The following CSNK1G1 variants were observed in gnomAD, a reference collection of about 807,000 sequenced individuals.
The protein encoded by CSNK1G1 is casein kinase 1 gamma 1.
In CSNK1G1, 22 loss-of-function variants were observed where a neutral mutation model predicts 59.6. The ratio of observed to expected loss-of-function variants is 0.37; its 90% confidence interval spans 0.26 to 0.53. CSNK1G1 has a LOEUF of 0.53. CSNK1G1 is among the 20% of genes least tolerant of loss of function. The probability of loss-of-function intolerance (pLI) is 0.89; values close to 1 mark genes in which losing one functional copy is unlikely to be tolerated. For synonymous variants in CSNK1G1, 179 were observed against 177.1 expected (o/e 1.01, Z -0.08); for missense variants, 384 against 519.5 (o/e 0.74, Z 2.54).
intron 1 of CSNK1G1, among the ~76,000 whole-genome samples, chr15:64,313,602 G>A (rs1199870550): frequency 6.6e-6 from 1 of 152,072 alleles, no homozygotes; most frequent in Non-Finnish European, 1.5e-5. Context: ...GCCTGTTGGG[G>A]GGTGTGGGGC....
At chr15:64,262,015 T>C (rs765483989) in intron 2 of CSNK1G1, among the ~76,000 whole-genome samples, 6 of 151,774 alleles carry the variant, frequency 4.0e-5, no homozygotes, top group Non-Finnish European at 5.9e-5. Flanking sequence ...AGAACATCAA[T>C]GCTATCTTAA....
chr15:64,294,683 G>A (rs1258287814), intron 2 of CSNK1G1, among the ~76,000 whole-genome samples: 4 of 151,800 alleles, frequency 2.6e-5, no homozygotes, highest in African/African-American at 7.3e-5. Flanking sequence ...GGCCAAGGCA[G>A]GCAGATCACC....
At chr15:64,301,848 C>T (rs1445876915) in intron 1 of CSNK1G1, among the ~76,000 whole-genome samples, 1 of 151,854 alleles carries the variant, frequency 6.6e-6, no homozygotes, top group Non-Finnish European at 1.5e-5. Context: ...GCTCGTGCTA[C>T]TGCACTCCCA....
At chr15:64,340,446 G>A (rs565057601) in intron 1 of CSNK1G1, among the ~76,000 whole-genome samples, 1 of 152,020 alleles carries the variant, frequency 6.6e-6, no homozygotes, top group African/African-American at 2.4e-5. Flanking sequence ...TTGTTATGTA[G>A]GTTTATGTAT....
intron 1 of CSNK1G1, among the ~76,000 whole-genome samples, chr15:64,338,721 A>AC (rs1471626191): frequency 6.2e-5 from 9 of 144,114 alleles, no homozygotes; most frequent in South Asian, 2.2e-4. Flanking sequence ...AAAAAAAAAA[A>AC]AAAAAAACAC....
Position 64,229,535 on chromosome 15 carries a change from T to TCC in CSNK1G1, c.293-12823_293-12822insGG, listed in dbSNP as rs1240859768. Among the ~76,000 whole-genome samples the TCC allele has an allele frequency of 4.7e-3, 718 of 152,020 alleles. 6 individuals are homozygous for TCC. The highest frequency in any genetic ancestry group is 0.016 in the African/African-American group (669 of 41,388). On this transcript the variant is annotated intron_variant, in intron 4 of 11. Transcript: ENST00000303052. ...CTCTCTTTCTCTCTCTCTTTCTCTC[T>TCC]CTCTCTCTCTCTCTCTCCCTGATCG...
At chr15:64,181,283 T>G (rs1386563051) in intron 10 of CSNK1G1, 2 of 1,536,128 alleles carry the variant, frequency 1.3e-6, no homozygotes, top group Non-Finnish European at 1.7e-6. Flanking sequence ...CTGGTTAATG[T>G]GGACCCAATC....
chr15:64,291,937 G>T (rs112701024), intron 2 of CSNK1G1, among the ~76,000 whole-genome samples: 1 of 152,098 alleles, frequency 6.6e-6, no homozygotes, highest in South Asian at 2.1e-4. Flanking sequence ...AGTGGCTCAC[G>T]CCTGTAATCC....
At position 64,236,147 on chromosome 15, in the gene CSNK1G1, A is replaced by G. The variant is rs866946421; in HGVS notation, c.292+15365T>C. On this transcript the variant is annotated intron_variant, in intron 4 of 11. Transcript: ENST00000303052. ...GACAGAGTGAGACTCCATCTCAAAAAAAAAAAAAAAAAAAGAAAAGAAAAG... is the reference window on the plus strand; with the variant it reads ...GACAGAGTGAGACTCCATCTCAAAAGAAAAAAAAAAAAAAGAAAAGAAAAG... Among the ~76,000 whole-genome samples, 1,103 of 149,690 alleles carry G rather than the reference A, an allele frequency of 7.4e-3. 7 individuals carry two copies. Among genetic ancestry groups the G allele is most frequent in the African/African-American group, 0.026 (1,066 of 41,226 alleles).
chr15:64,273,537 T>C (rs1893440622), intron 2 of CSNK1G1, among the ~76,000 whole-genome samples: 1 of 152,076 alleles, frequency 6.6e-6, no homozygotes, highest in Non-Finnish European at 1.5e-5. Context: ...CTAAGAGGAC[T>C]AGAATAGGAT....
At chr15:64,208,658 T>C (rs910223808) in intron 6 of CSNK1G1, among the ~76,000 whole-genome samples, 1 of 152,056 alleles carries the variant, frequency 6.6e-6, no homozygotes, top group East Asian at 1.9e-4. Flanking sequence ...CTCAGCTGAG[T>C]AGCTAGGAAT....
Position 64,188,610 on chromosome 15 carries a change from TAAC to T in CSNK1G1, c.1108-8159_1108-8157del. ...TTTCTTTCGGTTTTGGATTTTAAAC[TAAC>T]AACCACTGGAAAGCAGTGAGGAAAA... On this transcript the variant is annotated intron_variant, in intron 10 of 11. Coordinates refer to ENST00000303052, the MANE Select transcript of CSNK1G1 (RefSeq NM_022048.5). The surrounding 1 kb of genome is among the most constrained non-coding windows in gnomAD (Gnocchi z 4.2). The T allele has an allele frequency of 2.9e-6, 2 of 687,512 alleles. No homozygotes were observed. The highest frequency in any genetic ancestry group is 1.8e-5 in the South Asian group (1 of 54,354). 42.6% of individuals were successfully genotyped at this position (687,512 alleles called of 1,614,324 possible).
rs559350155 is a variant in CSNK1G1, at chr15:64,248,810, C to T, written c.292+2702G>A. Among the ~76,000 whole-genome samples the T allele has an allele frequency of 3.9e-3, 587 of 151,986 alleles. 4 individuals carry two copies. The highest frequency in any genetic ancestry group is 0.014 in the African/African-American group (561 of 41,460). On this transcript the variant is annotated intron_variant, in intron 4 of 11. Coordinates refer to ENST00000303052, the MANE Select transcript of CSNK1G1 (RefSeq NM_022048.5). ...CCATCCTGGCCAACATGGTGAAACC[C>T]CGTCTCTACTAAAAAAATACAAAAA...
intron 1 of CSNK1G1, among the ~76,000 whole-genome samples, chr15:64,329,004 G>A (rs1342673247): frequency 6.9e-6 from 1 of 145,700 alleles, no homozygotes; most frequent in African/African-American, 2.5e-5. Flanking sequence ...CCCAATACAG[G>A]AGCACCCAGA....
chr15:64,352,453 T>TTTG, intron 1 of CSNK1G1, among the ~76,000 whole-genome samples: 1 of 130,334 alleles, frequency 7.7e-6, no homozygotes, highest in East Asian at 2.2e-4. Context: ...TCTTCTTTTT[T>TTTG]TTTTTTTTTT....
chr15:64,351,416 T>A (rs1168444443), intron 1 of CSNK1G1, among the ~76,000 whole-genome samples: 1 of 152,210 alleles, frequency 6.6e-6, no homozygotes, highest in Non-Finnish European at 1.5e-5. Context: ...TTTTTAGATT[T>A]CCTGACAAGC....
intron 2 of CSNK1G1, among the ~76,000 whole-genome samples, chr15:64,261,838 G>A (rs1362741187): frequency 6.6e-6 from 1 of 150,660 alleles, no homozygotes; most frequent in Non-Finnish European, 1.5e-5. Context: ...AGCTACTCAG[G>A]AGGCTGAGGC....
chr15:64,169,857 T>G lies in CSNK1G1; in HGVS notation c.*2074A>C, dbSNP rs1168576330. On this transcript the variant is annotated 3_prime_UTR_variant, in exon 12 of 12. Transcript: ENST00000303052. Reference sequence around the variant, plus strand: ...ATGATATTCCCTAGCCAAGGTCCAATGGAACAGATGAAGCCCAGTACCTCT... The same window carrying G: ...ATGATATTCCCTAGCCAAGGTCCAAGGGAACAGATGAAGCCCAGTACCTCT... 2 of 152,230 alleles carry G rather than the reference T, an allele frequency of 1.3e-5. No individual in the cohort carries two copies. The highest frequency in any genetic ancestry group is 1.3e-4 in the Admixed American group (2 of 15,278). 9.4% of individuals were successfully genotyped at this position (152,230 alleles called of 1,614,324 possible).
chr15:64,201,655 A>C lies in CSNK1G1; in HGVS notation c.1107+1427T>G, dbSNP rs529599713. Among the ~76,000 whole-genome samples the C allele has an allele frequency of 4.6e-4, 70 of 151,422 alleles. No homozygotes were observed. The Middle Eastern group carries it at 0.027, about 59-fold the overall frequency. On this transcript the variant is annotated intron_variant, in intron 10 of 11. Transcript: ENST00000303052. ...CCACCAAACCACATATTTTGCCAAG[A>C]GTATATACTTACTGGTGAGAAAATA...
Sources: allele counts gnomAD v4.1 joint callset (sites outside exome capture counted in the v4.1 genomes callset), GRCh38; gene constraint gnomAD v4.1.1; non-coding constraint Gnocchi (gnomAD v3.1); transcripts MANE v1.5; gene names NCBI Gene and HGNC (gene_info 2026-07-23, HGNC 2026-07-21).